TEX11: variants seen among roughly 807,000 people sequenced by gnomAD.
TEX11 encodes the protein testis expressed 11.
In TEX11, 7 loss-of-function variants were observed where a neutral mutation model predicts 84.4. The observed-to-expected ratio is 0.08, with a 90% confidence interval of 0.05 to 0.16. TEX11 has a LOEUF of 0.16. Ranked by LOEUF, TEX11 falls within the 10% of genes least tolerant of loss-of-function variation. TEX11 has a pLI of 1.00. For synonymous variants in TEX11, 264 were observed against 222.8 expected (o/e 1.18, Z -1.64); for missense variants, 551 against 660.5 (o/e 0.83, Z 1.82).
intron 2 of TEX11, among the ~76,000 whole-genome samples, chrX:70,906,606 G>A (rs1043429592): frequency 9.1e-6 from 1 of 110,479 alleles, no homozygotes; most frequent in Admixed American, 9.8e-5. Flanking sequence ...TGACCGACAT[G>A]GTGAAACCCT....
At chrX:70,705,923 A>G (rs968056624) in intron 13 of TEX11, among the ~76,000 whole-genome samples, 1 of 111,751 alleles carries the variant, frequency 8.9e-6, no homozygotes, top group Non-Finnish European at 1.9e-5. Context: ...ATCTAGAACT[A>G]GAAATACCAT....
intron 9 of TEX11, among the ~76,000 whole-genome samples, chrX:70,759,734 A>T (rs2090895439): frequency 8.9e-6 from 1 of 111,764 alleles, no homozygotes; most frequent in South Asian, 3.8e-4. Flanking sequence ...CACCACTCCT[A>T]TTCAACATAA....
chrX:70,568,993 C>T (rs1359666971), intron 25 of TEX11, among the ~76,000 whole-genome samples: 2 of 111,956 alleles, frequency 1.8e-5, no homozygotes, highest in Admixed American at 9.5e-5. Flanking sequence ...TAATATCCTA[C>T]AGAGTGTTTT....
chrX:70,794,027 A>T, intron 9 of TEX11, among the ~76,000 whole-genome samples: 1 of 112,152 alleles, frequency 8.9e-6, no homozygotes, highest in Non-Finnish European at 1.9e-5. Context: ...TGCACAAAAA[A>T]AGCAATTTTG....
chrX:70,649,681 G>A (rs1001918453), intron 17 of TEX11, among the ~76,000 whole-genome samples: 4 of 111,797 alleles, frequency 3.6e-5, no homozygotes, highest in South Asian at 3.8e-4. Flanking sequence ...GGCTGAGGCA[G>A]GAGAATCGCT....
intron 7 of TEX11, among the ~76,000 whole-genome samples, chrX:70,843,615 A>G (rs1221696038): frequency 8.9e-6 from 1 of 111,746 alleles, no homozygotes; most frequent in Non-Finnish European, 1.9e-5. Flanking sequence ...AATGGGATCC[A>G]ATTAAACTAA....
At chrX:70,855,527 C>G (rs971315877) in intron 5 of TEX11, among the ~76,000 whole-genome samples, 48 of 108,447 alleles carry the variant, frequency 4.4e-4, no homozygotes, top group African/African-American at 1.6e-3. Context: ...GATCATGCCA[C>G]TGCACTCCAG....
intron 11 of TEX11, among the ~76,000 whole-genome samples, chrX:70,740,183 A>AATACCAT (rs1224773508): frequency 6.3e-5 from 7 of 111,998 alleles, no homozygotes; most frequent in African/African-American, 2.3e-4. Flanking sequence ...GCTATAACAA[A>AATACCAT]ATACCATAAA....
At chrX:70,522,916 T>G in the TEX11 span, among the ~76,000 whole-genome samples, 1 of 109,078 alleles carries the variant, frequency 9.2e-6, no homozygotes, top group African/African-American at 3.3e-5. Context: ...GAATATAAGA[T>G]GGTAAGATGG....
chrX:70,729,380 G>A (rs1315223258), intron 11 of TEX11, among the ~76,000 whole-genome samples: 5 of 111,297 alleles, frequency 4.5e-5, no homozygotes, highest in Non-Finnish European at 7.5e-5. Context: ...GAGGAAGTTC[G>A]AACCCACGGC....
intron 17 of TEX11, among the ~76,000 whole-genome samples, chrX:70,641,422 T>C (rs1300301610): frequency 1.8e-5 from 2 of 110,483 alleles, no homozygotes; most frequent in East Asian, 2.8e-4. Context: ...GAGGACCTAA[T>C]AGACGTCTAC....
At position 70,543,160 on chromosome X, in the gene TEX11, C is replaced by T. The variant is rs772148297; in HGVS notation, c.2520+8966G>A. Among the ~76,000 whole-genome samples, 28 of 108,906 alleles carry T rather than the reference C, an allele frequency of 2.6e-4. No individual in the cohort carries two copies. In the East Asian group the frequency reaches 5.4e-3, roughly 21 times the overall value. 94.6% of individuals were successfully genotyped at this position (108,906 alleles called of 115,157 possible). A position where few individuals can be genotyped will look rare whatever the true frequency, so the allele number is the denominator to read the frequency against. On this transcript the variant is annotated intron_variant, in intron 28 of 29. Transcript: ENST00000374333. ...TCGCGCCACTGCACTCCAGCCTGGG[C>T]GACACAGCGAGACTCCGTCTCAAAA... is the stretch of plus-strand genomic sequence containing the variant.
chrX:70,778,062 T>C (rs1413593519), intron 9 of TEX11, among the ~76,000 whole-genome samples: 2 of 111,649 alleles, frequency 1.8e-5, no homozygotes, highest in African/African-American at 6.5e-5. Flanking sequence ...ATACATTCCA[T>C]GCAAATAGCA....
At chrX:70,641,204 A>AT (rs2089652674) in intron 17 of TEX11, among the ~76,000 whole-genome samples, 1 of 111,818 alleles carries the variant, frequency 8.9e-6, no homozygotes, top group Non-Finnish European at 1.9e-5. Context: ...GATCAATTCA[A>AT]CAAGAACAGC....
intron 16 of TEX11, among the ~76,000 whole-genome samples, chrX:70,653,208 A>C (rs2089828819): frequency 8.9e-6 from 1 of 112,175 alleles, no homozygotes; most frequent in African/African-American, 3.2e-5. Context: ...CATTAAAATT[A>C]AAAACTGCTC....
chrX:70,782,293 T>G (rs2091044428), intron 9 of TEX11, among the ~76,000 whole-genome samples: 1 of 111,378 alleles, frequency 9.0e-6, no homozygotes, highest in African/African-American at 3.3e-5. Flanking sequence ...CCACCAAGCT[T>G]GCCTTACAAG....
At chrX:70,564,187 C>T (rs2088418870) in intron 25 of TEX11, among the ~76,000 whole-genome samples, 1 of 111,882 alleles carries the variant, frequency 8.9e-6, no homozygotes, top group Non-Finnish European at 1.9e-5. Context: ...TGAGATCGTG[C>T]CACTGCGCTC....
chrX:70,876,488 G>A (rs1471620346), intron 3 of TEX11, among the ~76,000 whole-genome samples: 1 of 101,389 alleles, frequency 9.9e-6, no homozygotes, highest in Admixed American at 1.0e-4. Flanking sequence ...CTAAGATGTG[G>A]CAGGTTTTGT....
chrX:70,897,085 T>C (rs1043637464), intron 2 of TEX11, among the ~76,000 whole-genome samples: 1 of 105,865 alleles, frequency 9.4e-6, no homozygotes, highest in Admixed American at 1.1e-4. Flanking sequence ...TGAGCCGAGA[T>C]CACGACACTG....
Sources: gnomAD v4.1 joint callset for allele counts (sites outside exome capture counted in the v4.1 genomes callset) on GRCh38, gnomAD v4.1.1 for gene constraint, MANE v1.5 for transcripts, NCBI Gene and HGNC (gene_info 2026-07-23, HGNC 2026-07-21) for gene names.